The following RFTN2 variants were observed in gnomAD, a reference collection of about 807,000 sequenced individuals.
RFTN2 encodes raftlin family member 2.
Under a neutral mutation model 52.7 loss-of-function variants are expected in RFTN2, and 34 were observed. That is an observed-to-expected ratio of 0.64 (90% CI 0.49 to 0.86). The LOEUF is 0.86. Among genes scored for constraint, RFTN2 ranks in the 40% least tolerant of loss-of-function variants. The pLI is 0.00. For synonymous variants in RFTN2, 203 were observed against 217.7 expected (o/e 0.93, Z 0.59); for missense variants, 536 against 600.1 (o/e 0.89, Z 1.12).
intron 7 of RFTN2, among the ~76,000 whole-genome samples, chr2:197,597,589 G>A (rs539464741): frequency 6.6e-6 from 1 of 151,558 alleles, no homozygotes; most frequent in East Asian, 1.9e-4. Context: ...GCGTGATCTC[G>A]GCTCACCGCA....
At chr2:197,633,685 G>A in intron 4 of RFTN2, 33 bp downstream of exon 4, 1 of 1,571,826 alleles carries the variant, frequency 6.4e-7, no homozygotes, top group South Asian at 1.1e-5. Context: ...TTAAACTATA[G>A]TATATTCTCT....
chr2:197,618,689 C>T (rs1292516537), intron 5 of RFTN2, among the ~76,000 whole-genome samples: 67 of 151,972 alleles, frequency 4.4e-4, no homozygotes, highest in Non-Finnish European at 7.5e-4. Context: ...AGGAGCGTCT[C>T]TGCCCGGCCG....
chr2:197,649,854 A>C (rs2088801157), intron 1 of RFTN2, among the ~76,000 whole-genome samples: 2 of 152,336 alleles, frequency 1.3e-5, no homozygotes, highest in East Asian at 1.9e-4. Context: ...TTAAGTTGCT[A>C]CTACATATAG....
chr2:197,584,727 C>T (rs547224780), intron 8 of RFTN2, among the ~76,000 whole-genome samples: 9 of 152,208 alleles, frequency 5.9e-5, no homozygotes, highest in South Asian at 4.1e-4. Context: ...AACGTGTCCT[C>T]GAGATGCTAC....
Position 197,637,342 on chromosome 2 carries a change from A to G in RFTN2, c.439-3345T>C, listed in dbSNP as rs547659007. Among the ~76,000 whole-genome samples, 12 of 152,318 alleles carry G rather than the reference A, an allele frequency of 7.9e-5. No individual in the cohort carries two copies. In the East Asian group the frequency reaches 2.3e-3, roughly 29 times the overall value. Reference sequence around the variant, plus strand: ...ACCAGTTGTTCCTTGTACCTCTGGTAGAATTCGGCTGTGAATCCATCTGGT... The same window carrying G: ...ACCAGTTGTTCCTTGTACCTCTGGTGGAATTCGGCTGTGAATCCATCTGGT... On this transcript the variant is annotated intron_variant, in intron 3 of 8. Coordinates refer to ENST00000295049, the MANE Select transcript of RFTN2 (RefSeq NM_144629.3).
At chr2:197,592,473 G>A (rs2087733806) in intron 8 of RFTN2, among the ~76,000 whole-genome samples, 1 of 152,226 alleles carries the variant, frequency 6.6e-6, no homozygotes, top group African/African-American at 2.4e-5. Flanking sequence ...GGGATTACAG[G>A]CGTGAGCCAC....
chr2:197,661,421 A>G (rs2088975359), intron 1 of RFTN2, among the ~76,000 whole-genome samples: 1 of 151,660 alleles, frequency 6.6e-6, no homozygotes, highest in African/African-American at 2.4e-5. Context: ...ATATACATAT[A>G]TATTTTTGTA....
chr2:197,643,829 T>G (rs551478728), intron 3 of RFTN2, among the ~76,000 whole-genome samples: 3 of 152,210 alleles, frequency 2.0e-5, no homozygotes, highest in Non-Finnish European at 4.4e-5. Context: ...TCATCTGAAA[T>G]GTGGAATTTA....
intron 1 of RFTN2, among the ~76,000 whole-genome samples, chr2:197,667,009 A>T (rs1438638506): frequency 6.6e-6 from 1 of 151,940 alleles, no homozygotes; most frequent in Non-Finnish European, 1.5e-5. Flanking sequence ...TTATTTTTTG[A>T]GACAAGTTCT....
chr2:197,569,085 G>T lies in RFTN2; in HGVS notation c.*2923C>A, dbSNP rs979179290. 8 of 152,146 alleles carry T rather than the reference G, an allele frequency of 5.3e-5. No individual in the cohort carries two copies. Among genetic ancestry groups the T allele is most frequent in the African/African-American group, 1.9e-4 (8 of 41,430 alleles). The allele number at this position is 152,146 out of a possible 1,614,324, so 9.4% of individuals were successfully genotyped here. A position where few individuals can be genotyped will look rare whatever the true frequency, so the allele number is the denominator to read the frequency against. ...CCTGGTGATTAGGTAGGTGTTAAAT[G>T]TGTCCATAAAAGATAACAAGGTGGT... On this transcript the variant is annotated 3_prime_UTR_variant, in exon 9 of 9. Transcript: ENST00000295049.
At chr2:197,599,951 C>G (rs138467399) in intron 7 of RFTN2, among the ~76,000 whole-genome samples, 3 of 152,218 alleles carry the variant, frequency 2.0e-5, no homozygotes, top group Admixed American at 2.0e-4. Flanking sequence ...CTCTGCCTTT[C>G]GGGTTCAAGG....
intron 8 of RFTN2, among the ~76,000 whole-genome samples, chr2:197,589,368 C>T (rs553227532): frequency 6.6e-6 from 1 of 151,582 alleles, no homozygotes; most frequent in East Asian, 2.0e-4. Context: ...ATGAGGAACT[C>T]TGAGTCCAGT....
At chr2:197,594,231 G>T (rs1367313663) in intron 8 of RFTN2, among the ~76,000 whole-genome samples, 1 of 151,712 alleles carries the variant, frequency 6.6e-6, no homozygotes, top group Admixed American at 6.6e-5. Flanking sequence ...AGCCAGGATG[G>T]TCTTGATCTC....
At chr2:197,595,874 G>A (rs1229079938) in intron 8 of RFTN2, 117 bp downstream of exon 8, 1 of 667,732 alleles carries the variant, frequency 1.5e-6, no homozygotes, top group Non-Finnish European at 2.6e-6. Context: ...TTATAGGTTG[G>A]TTCAGAGGAC....
At chr2:197,612,749 T>C (rs2088083575) in intron 7 of RFTN2, among the ~76,000 whole-genome samples, 1 of 152,200 alleles carries the variant, frequency 6.6e-6, no homozygotes, top group African/African-American at 2.4e-5. Context: ...TTGCCTAGGG[T>C]AATTGAAGCA....
chr2:197,584,750 A>G (rs1454305852), intron 8 of RFTN2, among the ~76,000 whole-genome samples: 2 of 152,140 alleles, frequency 1.3e-5, no homozygotes, highest in African/African-American at 4.8e-5. Context: ...AGTACAGTCC[A>G]TTGAACTTTT....
intron 1 of RFTN2, among the ~76,000 whole-genome samples, chr2:197,653,542 G>C (rs1245849945): frequency 6.7e-6 from 1 of 150,322 alleles, no homozygotes; most frequent in Non-Finnish European, 1.5e-5. Flanking sequence ...ATATCTATCT[G>C]GTTAGTTAAA....
At chr2:197,662,907 T>C (rs1387891444) in intron 1 of RFTN2, among the ~76,000 whole-genome samples, 2 of 152,164 alleles carry the variant, frequency 1.3e-5, no homozygotes, top group African/African-American at 2.4e-5. Context: ...ATTACAGATA[T>C]GAGCCACTGC....
At chr2:197,659,147 A>T (rs1026110645) in intron 1 of RFTN2, among the ~76,000 whole-genome samples, 1 of 152,212 alleles carries the variant, frequency 6.6e-6, no homozygotes, top group African/African-American at 2.4e-5. Context: ...AGTCCAAGAC[A>T]TACATATGTT....
Sources: gnomAD v4.1 joint callset for allele counts (sites outside exome capture counted in the v4.1 genomes callset) on GRCh38, gnomAD v4.1.1 for gene constraint, MANE v1.5 for transcripts, NCBI Gene and HGNC (gene_info 2026-07-23, HGNC 2026-07-21) for gene names.